The following LRGUK variants were observed in gnomAD, a reference collection of about 807,000 sequenced individuals.
LRGUK encodes leucine-rich repeat and guanylate kinase domain-containing protein.
LRGUK carries 65 observed loss-of-function variants against 76.0 expected under a neutral mutation model. That is an observed-to-expected ratio of 0.85 (90% CI 0.70 to 1.05). The LOEUF (loss-of-function observed/expected upper bound fraction) is 1.05, where lower values mean the gene tolerates loss of function less well. Ranked by LOEUF, LRGUK falls within the 50% of genes least tolerant of loss-of-function variation. LRGUK has a pLI of 0.00. For synonymous variants in LRGUK, 268 were observed against 265.6 expected (o/e 1.01, Z -0.09); for missense variants, 758 against 732.8 (o/e 1.03, Z -0.40).
exon 11 of LRGUK, chr7:134,183,791 T>C: frequency 6.2e-7 from 1 of 1,614,144 alleles, no homozygotes; most frequent in East Asian, 2.2e-5. Context: ...GTCCTGAAGC[T>C]TGTGGGAAAC....
At chr7:134,269,350 CTTTT>C (rs71172445), downstream of LRGUK, among the ~76,000 whole-genome samples, 4 of 123,906 alleles carry the variant, frequency 3.2e-5, no homozygotes, top group Admixed American at 8.6e-5. Flanking sequence ...GATTTCAATT[CTTTT>C]TTTTTTTTTT....
chr7:134,252,339 T>TAATTAAATTAAATTA (rs146773478), intron 18 of LRGUK, among the ~76,000 whole-genome samples: 159 of 145,778 alleles, frequency 1.1e-3, no homozygotes, highest in African/African-American at 1.5e-3. Context: ...CTCAAATAGA[T>TAATTAAATTAAATTA]AATTAAATTA....
chr7:134,176,952 A>G, intron 8 of LRGUK, 25 bp from the exon 9 acceptor site: 2 of 1,430,976 alleles, frequency 1.4e-6, no homozygotes, highest in Non-Finnish European at 2.0e-6. Flanking sequence ...AGGCAACTGA[A>G]CAGTCCTCTT....
chr7:134,219,029 T>C (rs1168438914), intron 15 of LRGUK, among the ~76,000 whole-genome samples: 1 of 152,222 alleles, frequency 6.6e-6, no homozygotes, highest in Non-Finnish European at 1.5e-5. Flanking sequence ...AAGAACTTGG[T>C]TCTTTTTGTG....
chr7:134,201,468 C>G lies in LRGUK; in HGVS notation c.1748-13C>G. Reference sequence around the variant, plus strand: ...TGATCCTGTTGCTTTAAAATGTACTCTCTTTGCTGCAGATGATCTGGATGT... The same window carrying G: ...TGATCCTGTTGCTTTAAAATGTACTGTCTTTGCTGCAGATGATCTGGATGT... On this transcript the variant is annotated splice_polypyrimidine_tract_variant and intron_variant, in intron 14 of 15. Transcript: ENST00000645682. 1 of 1,606,250 alleles carries G rather than the reference C, an allele frequency of 6.2e-7. No individual in the cohort carries two copies. The highest frequency in any genetic ancestry group is 2.2e-5 in the East Asian group (1 of 44,816).
intron 19 of LRGUK, among the ~76,000 whole-genome samples, chr7:134,261,053 T>C (rs1262673439): frequency 1.3e-5 from 2 of 152,202 alleles, no homozygotes; most frequent in East Asian, 3.9e-4. Context: ...TTGGTTGCAG[T>C]AGATATTTGA....
At chr7:134,201,648 T>C (rs905387172) in intron 15 of LRGUK, 72 bp downstream of exon 15, 6 of 1,084,830 alleles carry the variant, frequency 5.5e-6, no homozygotes, top group Non-Finnish European at 8.3e-6. Context: ...TGAGTTGCTA[T>C]TTGGGTACTC....
At chr7:134,276,460 G>A in the LRGUK span, among the ~76,000 whole-genome samples, 1 of 152,130 alleles carries the variant, frequency 6.6e-6, no homozygotes, top group Non-Finnish European at 1.5e-5. Context: ...ACCGATGGTG[G>A]TGTCATTCAC....
At chr7:134,167,218 C>G (rs1015855128) in intron 7 of LRGUK, among the ~76,000 whole-genome samples, 1 of 152,240 alleles carries the variant, frequency 6.6e-6, no homozygotes, top group African/African-American at 2.4e-5. Flanking sequence ...ATACCCTGAT[C>G]TGCTCAGCAA....
chr7:134,205,415 C>T (rs1800962214), intron 15 of LRGUK, among the ~76,000 whole-genome samples: 1 of 152,154 alleles, frequency 6.6e-6, no homozygotes, highest in South Asian at 2.1e-4. Flanking sequence ...GCAGAGTCAC[C>T]ATCATGTGCC....
chr7:134,265,383 G>A (rs1802837864), downstream of LRGUK, among the ~76,000 whole-genome samples: 1 of 152,124 alleles, frequency 6.6e-6, no homozygotes, highest in Non-Finnish European at 1.5e-5. Flanking sequence ...ATGGGCTATG[G>A]ATCTCAGAGC....
intron 16 of LRGUK, among the ~76,000 whole-genome samples, chr7:134,223,931 G>T (rs1366063581): frequency 1.3e-5 from 2 of 152,050 alleles, no homozygotes; most frequent in African/African-American, 4.8e-5. Context: ...TAACTAGTAG[G>T]TTTTTTTCTT....
intron 16 of LRGUK, among the ~76,000 whole-genome samples, chr7:134,245,086 A>C (rs893098012): frequency 2.4e-4 from 36 of 152,266 alleles, no homozygotes; most frequent in Non-Finnish European, 4.1e-4. Flanking sequence ...ACCTAATGTA[A>C]ATGACGAGTT....
chr7:134,164,595 C>G (rs979305591), intron 7 of LRGUK, among the ~76,000 whole-genome samples: 7 of 152,116 alleles, frequency 4.6e-5, no homozygotes, highest in Non-Finnish European at 8.8e-5. Context: ...TGGGAGAATG[C>G]TTTCATAAGG....
chr7:134,171,341 C>T (rs1277392892), intron 7 of LRGUK, among the ~76,000 whole-genome samples: 1 of 151,488 alleles, frequency 6.6e-6, no homozygotes, highest in East Asian at 1.9e-4. Flanking sequence ...TTAAATGTGG[C>T]AGCGAAAAAA....
At chr7:134,212,308 C>T (rs370549734), downstream of LRGUK, among the ~76,000 whole-genome samples, 2 of 152,172 alleles carry the variant, frequency 1.3e-5, no homozygotes, top group African/African-American at 2.4e-5. Context: ...GTGACTGAAA[C>T]GGACAACTCA....
At chr7:134,271,734 A>G in the LRGUK span, among the ~76,000 whole-genome samples, 1 of 151,988 alleles carries the variant, frequency 6.6e-6, no homozygotes, top group African/African-American at 2.4e-5. Context: ...TAATTTCTTC[A>G]ATACAATTGT....
At chr7:134,147,862 C>T (rs1179780428) in intron 4 of LRGUK, among the ~76,000 whole-genome samples, 1 of 151,854 alleles carries the variant, frequency 6.6e-6, no homozygotes, top group Non-Finnish European at 1.5e-5. Flanking sequence ...GAGATCGAGA[C>T]CATCCTGGCT....
intron 14 of LRGUK, 112 bp from the exon 15 acceptor site, chr7:134,201,369 C>A: frequency 1.3e-6 from 1 of 789,176 alleles, no homozygotes; most frequent in Non-Finnish European, 2.1e-6. Flanking sequence ...ATTCTGCCTA[C>A]CATAATATAT....
Sources: allele counts gnomAD v4.1 joint callset (sites outside exome capture counted in the v4.1 genomes callset), GRCh38; gene constraint gnomAD v4.1.1; transcripts MANE v1.5; gene names NCBI Gene and HGNC (gene_info 2026-07-23, HGNC 2026-07-21).